Variants in OPRM1 observed in about 807,000 individuals in gnomAD.
The protein encoded by OPRM1 is opioid receptor mu 1.
A neutral mutation model predicts 31.8 loss-of-function variants in OPRM1; 27 were observed. That is an observed-to-expected ratio of 0.85 (90% CI 0.63 to 1.17). OPRM1 has a LOEUF of 1.17. Ranked by LOEUF, OPRM1 falls within the 50% of genes most tolerant of loss-of-function variation. The pLI is 0.00. For missense variants in OPRM1, 536 were observed against 511.1 expected (o/e 1.05, Z -0.47); for synonymous variants, 196 against 189.9 (o/e 1.03, Z -0.26).
chr6:154,244,370 C>T (rs1780863782), intron 3 of OPRM1, among the ~76,000 whole-genome samples: 1 of 151,126 alleles, frequency 6.6e-6, no homozygotes, highest in South Asian at 2.1e-4. Flanking sequence ...CCCTACATAC[C>T]ATTAGTTTTA....
At chr6:154,200,036 G>A in intron 3 of OPRM1, 1 of 1,599,824 alleles carries the variant, frequency 6.3e-7, no homozygotes, top group Non-Finnish European at 8.5e-7. Context: ...TGCCTGCTGT[G>A]CAGTCTATTT....
chr6:154,168,848 C>A lies in OPRM1; in HGVS notation c.1164+77376C>A, dbSNP rs530967463. Among the ~76,000 whole-genome samples the A allele has an allele frequency of 7.8e-6, 1 of 128,158 alleles. No homozygotes were observed. The highest frequency in any genetic ancestry group is 3.4e-5 in the African/African-American group (1 of 29,416). The allele number at this position is 128,158 out of a possible 152,430, so 84.1% of individuals were successfully genotyped here. A position where few individuals can be genotyped will look rare whatever the true frequency, so the allele number is the denominator to read the frequency against. On this transcript the variant is annotated intron_variant, in intron 3 of 3. Transcript: ENST00000337049. The surrounding 1 kb of genome is among the most constrained non-coding windows in gnomAD (Gnocchi z 4.1). Reference sequence around the variant, plus strand: ...CTTGAACTCCTGACTTTGGGTGATCCGCCCACCTTGGCCTCCCAAAGTGCT... The same window carrying A: ...CTTGAACTCCTGACTTTGGGTGATCAGCCCACCTTGGCCTCCCAAAGTGCT...
intron 1 of OPRM1, among the ~76,000 whole-genome samples, chr6:154,026,956 G>A (rs2128385284): frequency 7.0e-6 from 1 of 143,822 alleles, no homozygotes; most frequent in Non-Finnish European, 1.5e-5. Flanking sequence ...GTCCCTGGTG[G>A]CTTATTTAGT....
intron 1 of OPRM1, among the ~76,000 whole-genome samples, chr6:154,067,017 T>C (rs1200228211): frequency 6.6e-6 from 1 of 152,174 alleles, no homozygotes; most frequent in Non-Finnish European, 1.5e-5. Context: ...ACTAGTAATA[T>C]GCCTACTTCA....
intron 3 of OPRM1, among the ~76,000 whole-genome samples, chr6:154,100,186 G>GAC (rs1794550879): frequency 2.7e-5 from 3 of 112,874 alleles, no homozygotes; most frequent in Non-Finnish European, 5.2e-5. Flanking sequence ...ATCATATTAT[G>GAC]ACATATCATA....
intron 3 of OPRM1, chr6:154,246,522 G>T: frequency 6.7e-7 from 1 of 1,483,172 alleles, no homozygotes; most frequent in Non-Finnish European, 9.1e-7. Context: ...TTCCCATAGG[G>T]ATCACCTGAT....
In OPRM1 at chr6:154,140,021, C is replaced by T. The variant is rs565228739; in HGVS notation, c.1164+48549C>T. ...AGCAACCATCCCATCTCCAGTTCCC[C>T]GCCCTCTTGAGAAAACCAGAACGGA... On this transcript the variant is annotated intron_variant, in intron 3 of 3. Transcript: ENST00000337049. Among the ~76,000 whole-genome samples the T allele has an allele frequency of 3.3e-5, 5 of 152,288 alleles. No individual in the cohort carries two copies. In the East Asian group the frequency reaches 5.8e-4, roughly 18 times the overall value.
intron 3 of OPRM1, chr6:154,108,014 A>G (rs759164368): frequency 1.5e-6 from 1 of 654,614 alleles, no homozygotes; most frequent in Non-Finnish European, 2.8e-6. Flanking sequence ...CCGTTTGCAC[A>G]GAGAGAAAGA....
intron 3 of OPRM1, among the ~76,000 whole-genome samples, chr6:154,195,211 G>A (rs1341477528): frequency 1.4e-5 from 2 of 142,696 alleles, no homozygotes; most frequent in Non-Finnish European, 3.0e-5. Flanking sequence ...GCAGTGGCAC[G>A]ATCTCGGCTC....
intron 3 of OPRM1, among the ~76,000 whole-genome samples, chr6:154,117,495 C>T (rs1189521544): frequency 2.0e-5 from 3 of 152,124 alleles, no homozygotes; most frequent in Admixed American, 1.3e-4. Flanking sequence ...CAAGGCAATA[C>T]GATGGGACCA....
intron 1 of OPRM1, among the ~76,000 whole-genome samples, chr6:154,065,127 T>G (rs1214528643): frequency 6.6e-6 from 1 of 151,934 alleles, no homozygotes; most frequent in Admixed American, 6.6e-5. Context: ...GGGATGCCTT[T>G]CCATTTATTT....
chr6:154,159,802 TAA>T, intron 3 of OPRM1: 2 of 1,551,396 alleles, frequency 1.3e-6, no homozygotes. Context: ...TGATAAAATA[TAA>T]GAGGAGAAAA....
intron 3 of OPRM1, among the ~76,000 whole-genome samples, chr6:154,218,774 T>C (rs13194818): frequency 0.12 from 18,375 of 152,254 alleles, 1,177 homozygotes; most frequent in Non-Finnish European, 0.14. Flanking sequence ...CCAGACAAAA[T>C]GGACCATTTA....
At position 154,216,120 on chromosome 6, in the gene OPRM1, T is replaced by C. The variant is rs188468727; in HGVS notation, c.1165-30573T>C. 8.0e-3 allele frequency among the ~76,000 whole-genome samples: 1,213 copies of C among 152,254 alleles called. 12 individuals are homozygous for C. The highest frequency in any genetic ancestry group is 8.5e-3 in the Non-Finnish European group (578 of 68,012). Reference sequence around the variant, plus strand: ...CCCCTTCACCCAACAATTCCAATCATAAATATCAATCCTATAGAAACACAC... The same window carrying C: ...CCCCTTCACCCAACAATTCCAATCACAAATATCAATCCTATAGAAACACAC... On this transcript the variant is annotated intron_variant, in intron 3 of 3. Coordinates refer to the OPRM1 transcript ENST00000337049.
At chr6:154,184,721 T>C (rs1216293043) in intron 3 of OPRM1, among the ~76,000 whole-genome samples, 1 of 151,214 alleles carries the variant, frequency 6.6e-6, no homozygotes, top group Middle Eastern at 3.4e-3. Flanking sequence ...GATGAAGACA[T>C]GTTAGCATTG....
At chr6:154,095,020 A>G (rs1377298036) in intron 3 of OPRM1, among the ~76,000 whole-genome samples, 1 of 152,236 alleles carries the variant, frequency 6.6e-6, no homozygotes, top group East Asian at 1.9e-4. Context: ...GGCCAGGCAC[A>G]GTAGCTCATG....
chr6:154,013,035 G>C (rs1429076044), intron 1 of OPRM1, among the ~76,000 whole-genome samples: 2 of 134,226 alleles, frequency 1.5e-5, no homozygotes, highest in African/African-American at 6.1e-5. Flanking sequence ...TGGCAGGGCT[G>C]GGGGGGTACA....
At chr6:154,178,041 A>G (rs1403781925) in intron 3 of OPRM1, among the ~76,000 whole-genome samples, 1 of 152,042 alleles carries the variant, frequency 6.6e-6, no homozygotes, top group African/African-American at 2.4e-5. Context: ...TCACAAGGAC[A>G]GAAAATCAAA....
chr6:154,144,113 G>A (rs1025676733), intron 3 of OPRM1, among the ~76,000 whole-genome samples: 1 of 152,088 alleles, frequency 6.6e-6, no homozygotes, highest in Non-Finnish European at 1.5e-5. Flanking sequence ...ACTACCACAA[G>A]TCACCCAATA....
Sources: gnomAD v4.1 joint callset for allele counts (sites outside exome capture counted in the v4.1 genomes callset) on GRCh38, gnomAD v4.1.1 for gene constraint, Gnocchi (gnomAD v3.1) non-coding constraint, MANE v1.5 for transcripts, NCBI Gene and HGNC (gene_info 2026-07-23, HGNC 2026-07-21) for gene names.